Variants in FBXL20 observed in about 807,000 individuals in gnomAD.
The protein encoded by FBXL20 is F-box and leucine rich repeat protein 20.
In FBXL20, 11 loss-of-function variants were observed where a neutral mutation model predicts 64.0. The ratio of observed to expected loss-of-function variants is 0.17; its 90% CI spans 0.11 to 0.28. The LOEUF (loss-of-function observed/expected upper bound fraction) is 0.28, where lower values mean the gene tolerates loss of function less well. FBXL20 is among the 10% of genes least tolerant of loss of function. The probability of loss-of-function intolerance (pLI) is 1.00; values close to 1 mark genes in which losing one functional copy is unlikely to be tolerated. For missense variants in FBXL20, 303 were observed against 526.2 expected, an observed-to-expected ratio of 0.58 and a Z score of 4.15; for synonymous variants, 184 against 189.0, an observed-to-expected ratio of 0.97 and a Z score of 0.22.
At chr17:39,324,351 G>A (rs1416973774) in intron 2 of FBXL20, among the ~76,000 whole-genome samples, 1 of 148,362 alleles carries the variant, frequency 6.7e-6, no homozygotes, top group African/African-American at 2.6e-5. Context: ...TGCAGTGGCA[G>A]GATCTCGGCT....
chr17:39,316,233 TA>T (rs1179131295), intron 2 of FBXL20, among the ~76,000 whole-genome samples: 1 of 152,140 alleles, frequency 6.6e-6, no homozygotes, highest in Non-Finnish European at 1.5e-5. Context: ...TAGTTATCAA[TA>T]TATACAGATA....
At chr17:39,341,109 ACATT>A (rs775325822) in intron 2 of FBXL20, among the ~76,000 whole-genome samples, 3 of 151,920 alleles carry the variant, frequency 2.0e-5, no homozygotes, top group Non-Finnish European at 2.9e-5. Flanking sequence ...ATAGTTAAAT[ACATT>A]CATAAGTATT....
chr17:39,332,893 C>G (rs1567883865), intron 2 of FBXL20, among the ~76,000 whole-genome samples: 1 of 152,102 alleles, frequency 6.6e-6, no homozygotes, highest in Non-Finnish European at 1.5e-5. Context: ...ATGATGAGTC[C>G]TGTGGATCCT....
In FBXL20 at chr17:39,286,075, A is replaced by T. The variant is rs1195135529; in HGVS notation, c.399-502T>A. Among the ~76,000 whole-genome samples the T allele has an allele frequency of 2.0e-5, 3 of 152,248 alleles. No homozygotes were observed. The South Asian group carries it at 6.2e-4, about 31-fold the overall frequency. On this transcript the variant is annotated intron_variant, in intron 6 of 14. Transcript: ENST00000264658. ...ACTGGTCTGGTATTGGGCTGAAAAA[A>T]GTAAGTTATGTATTAAAGACTTTTT... is the stretch of plus-strand genomic sequence containing the variant.
At chr17:39,335,019 TTTAAAA>T (rs1240272803) in intron 2 of FBXL20, among the ~76,000 whole-genome samples, 1 of 152,152 alleles carries the variant, frequency 6.6e-6, no homozygotes, top group Non-Finnish European at 1.5e-5. Context: ...GCTGGAGTCC[TTTAAAA>T]TTAACTGCCT....
intron 2 of FBXL20, among the ~76,000 whole-genome samples, chr17:39,325,914 A>C (rs995292948): frequency 2.0e-5 from 3 of 152,178 alleles, no homozygotes; most frequent in African/African-American, 7.2e-5. Flanking sequence ...CTCATGTTGA[A>C]ATGTGATCCC....
rs185340113 is a variant in FBXL20 at position 39,308,424 on chromosome 17, G to A, written c.105-4785C>T. 3.9e-5 allele frequency among the ~76,000 whole-genome samples: 6 copies of A among 152,062 alleles called. No individual in the cohort carries two copies. The East Asian group carries it at 1.2e-3, about 29-fold the overall frequency. ...GAAAGAGGATCACTTGAGCTCAGGA[G>A]TAAGTGGCTGTAGGGAACTGTGATC... On this transcript the variant is annotated intron_variant, in intron 2 of 14. Coordinates refer to ENST00000264658, the MANE Select transcript of FBXL20 (RefSeq NM_032875.3).
At chr17:39,356,954 G>A (rs1432347913) in intron 1 of FBXL20, among the ~76,000 whole-genome samples, 3 of 148,904 alleles carry the variant, frequency 2.0e-5, no homozygotes, top group East Asian at 2.1e-4. Context: ...ATGAGCTATC[G>A]TACCCAGCCC....
intron 1 of FBXL20, 151 bp downstream of exon 1, chr17:39,401,210 G>A (rs1361527420): frequency 1.5e-5 from 23 of 1,494,650 alleles, no homozygotes; most frequent in Non-Finnish European, 2.1e-5. Context: ...TGGGCTTCTG[G>A]GTCGCAAGAA....
chr17:39,394,779 G>A (rs2048167154), intron 1 of FBXL20, among the ~76,000 whole-genome samples: 1 of 151,718 alleles, frequency 6.6e-6, no homozygotes, highest in African/African-American at 2.4e-5. Context: ...GGCTGGTCTC[G>A]AACTCCTGAC....
chr17:39,289,245 C>T lies in FBXL20; in HGVS notation c.399-3672G>A, dbSNP rs1358741128. Among the ~76,000 whole-genome samples the T allele has an allele frequency of 2.6e-5, 4 of 152,174 alleles. No individual in the cohort carries two copies. The East Asian group carries it at 7.7e-4, about 29-fold the overall frequency. ...TGATTTCGTTATTCTAGAACCTCTG[C>T]ATTTGCACATGAATTTAGAATCAGC... On this transcript the variant is annotated intron_variant, in intron 6 of 14. Transcript: ENST00000264658.
chr17:39,277,743 A>G (rs1395785357), intron 9 of FBXL20, among the ~76,000 whole-genome samples: 1 of 139,208 alleles, frequency 7.2e-6, no homozygotes, highest in Non-Finnish European at 1.6e-5. Flanking sequence ...AACAAGAGCA[A>G]AACTCCGTCT....
chr17:39,311,193 G>A (rs1404503730), intron 2 of FBXL20, among the ~76,000 whole-genome samples: 6 of 151,892 alleles, frequency 4.0e-5, no homozygotes, highest in East Asian at 1.9e-4. Flanking sequence ...ACAAAACCCC[G>A]TGTCACAATA....
intron 3 of FBXL20, 58 bp downstream of exon 3, chr17:39,303,527 G>T: frequency 7.2e-7 from 1 of 1,389,200 alleles, no homozygotes; most frequent in Non-Finnish European, 9.9e-7. Context: ...CTATGAAAGA[G>T]GCTGTTATCA....
Position 39,319,673 on chromosome 17 carries a change from CAA to C in FBXL20, c.105-16036_105-16035del, listed in dbSNP as rs71300077. ...TGGGCAACACAGCAAGACTCCATAT[CAA>C]AAAAAAAAAAAAAAAAAAAAACTAT... On this transcript the variant is annotated intron_variant, in intron 2 of 14. Transcript: ENST00000264658. Among the ~76,000 whole-genome samples the C allele has an allele frequency of 2.7e-3, 128 of 47,306 alleles. 2 individuals are homozygous for C. Among genetic ancestry groups the C allele is most frequent in the African/African-American group, 7.3e-3 (95 of 13,010 alleles). 31.0% of individuals were successfully genotyped at this position (47,306 alleles called of 152,430 possible).
At chr17:39,363,810 C>CAAAAAAAAAAAAACAAAA (rs1567896911) in intron 1 of FBXL20, among the ~76,000 whole-genome samples, 17 of 26,608 alleles carry the variant, frequency 6.4e-4, no homozygotes, top group African/African-American at 1.2e-3. Context: ...GACTTTATCT[C>CAAAAAAAAAAAAACAAAA]AAAAAAAAAA....
At chr17:39,350,762 G>C (rs2047680389) in intron 1 of FBXL20, among the ~76,000 whole-genome samples, 1 of 152,152 alleles carries the variant, frequency 6.6e-6, no homozygotes, top group Admixed American at 6.6e-5. Context: ...GTTAAGAACG[G>C]ATGGTCCCCT....
At chr17:39,269,821 AATTTCGCC>A (rs570308418) in intron 11 of FBXL20, among the ~76,000 whole-genome samples, 122 of 151,800 alleles carry the variant, frequency 8.0e-4, no homozygotes, top group African/African-American at 2.8e-3. Context: ...ACAGAGATGA[AATTTCGCC>A]ATGTTGCCCG....
chr17:39,386,864 CT>C (rs1254339692), intron 1 of FBXL20, among the ~76,000 whole-genome samples: 1 of 152,072 alleles, frequency 6.6e-6, no homozygotes, highest in African/African-American at 2.4e-5. Context: ...GAATCTTGTG[CT>C]TTTTTGTTCT....
Sources: gnomAD v4.1 joint callset for allele counts (sites outside exome capture counted in the v4.1 genomes callset) on GRCh38, gnomAD v4.1.1 for gene constraint, MANE v1.5 for transcripts, NCBI Gene and HGNC (gene_info 2026-07-23, HGNC 2026-07-21) for gene names.